The following PCDHA5 variants were observed in gnomAD, a reference collection of about 807,000 sequenced individuals.
The protein encoded by PCDHA5 is protocadherin alpha 5, also known as protocadherin alpha-5.
In PCDHA5, 43 loss-of-function variants were observed where a neutral mutation model predicts 61.6. The ratio of observed to expected loss-of-function variants is 0.70; its 90% confidence interval spans 0.55 to 0.90. The LOEUF (loss-of-function observed/expected upper bound fraction) is 0.90, where lower values mean the gene tolerates loss of function less well. Ranked by LOEUF, PCDHA5 falls within the 40% of genes least tolerant of loss-of-function variation. The pLI is 0.00. For synonymous variants in PCDHA5, 627 were observed against 543.9 expected (o/e 1.15, Z -2.13); for missense variants, 1,298 against 1,222.7 (o/e 1.06, Z -0.92).
intron 1 of PCDHA5, among the ~76,000 whole-genome samples, chr5:140,894,254 A>G (rs566555133): frequency 6.6e-6 from 1 of 152,128 alleles, no homozygotes; most frequent in Admixed American, 6.5e-5. Flanking sequence ...TCTTTTCTTT[A>G]CAAGTGGTAG....
At chr5:140,986,458 A>G (rs1199378141) in intron 3 of PCDHA5, among the ~76,000 whole-genome samples, 1 of 152,166 alleles carries the variant, frequency 6.6e-6, no homozygotes, top group Admixed American at 6.5e-5. Flanking sequence ...GTTTTAATGA[A>G]TGCCCTCTTG....
At chr5:140,962,854 G>A (rs1396651838) in intron 1 of PCDHA5, among the ~76,000 whole-genome samples, 7 of 152,054 alleles carry the variant, frequency 4.6e-5, no homozygotes, top group African/African-American at 9.7e-5. Flanking sequence ...ACTTGTGCTC[G>A]GTTTGTAGAG....
At chr5:140,842,510 C>T in intron 1 of PCDHA5, 1 of 1,613,738 alleles carries the variant, frequency 6.2e-7, no homozygotes. Flanking sequence ...CCCCTTCAAG[C>T]TGGTGTCCAC....
chr5:140,852,335 T>C (rs2042302607), intron 1 of PCDHA5: 1 of 256,936 alleles, frequency 3.9e-6, no homozygotes. Context: ...TGGAGTACAG[T>C]GGCATGATCT....
chr5:140,958,454 T>G (rs2095424871), intron 1 of PCDHA5, among the ~76,000 whole-genome samples: 1 of 152,168 alleles, frequency 6.6e-6, no homozygotes, highest in African/African-American at 2.4e-5. Flanking sequence ...CCTTTTATTC[T>G]TCAACTTCTG....
At chr5:140,857,327 C>G (rs1554149849) in intron 1 of PCDHA5, 1 of 1,598,614 alleles carries the variant, frequency 6.3e-7, no homozygotes, top group Non-Finnish European at 8.6e-7. Flanking sequence ...GGTGACCGCG[C>G]GGGACGGGGG....
chr5:140,883,481 T>C (rs1401240290), intron 1 of PCDHA5: 1 of 1,614,166 alleles, frequency 6.2e-7, no homozygotes, highest in East Asian at 2.2e-5. Flanking sequence ...CAAGAACTAC[T>C]ACTCATTAGT....
chr5:140,853,419 G>A lies in PCDHA5; in HGVS notation c.2352+29292G>A, dbSNP rs2150531537. The A allele has an allele frequency of 1.0e-5, 10 of 986,026 alleles. No individual in the cohort carries two copies. The East Asian group carries it at 1.1e-3, about 112-fold the overall frequency. 61.1% of individuals were successfully genotyped at this position (986,026 alleles called of 1,614,324 possible). On this transcript the variant is annotated intron_variant, in intron 1 of 3. Coordinates refer to ENST00000529859, the MANE Select transcript of PCDHA5 (RefSeq NM_018908.3). ...AGTTCAAAACAGAGAGGTGAAAGCA[G>A]AAGAGACACTTTCCTATTTTGCCTA... is the stretch of plus-strand genomic sequence containing the variant.
At chr5:140,921,165 A>T (rs959305878) in intron 1 of PCDHA5, among the ~76,000 whole-genome samples, 1 of 151,798 alleles carries the variant, frequency 6.6e-6, no homozygotes, top group Non-Finnish European at 1.5e-5. Flanking sequence ...TTTTTTTAAC[A>T]CACATAAAGC....
chr5:140,904,613 T>C (rs1554191625), intron 1 of PCDHA5, among the ~76,000 whole-genome samples: 2 of 152,112 alleles, frequency 1.3e-5, no homozygotes, highest in African/African-American at 2.4e-5. Context: ...ATAGTAGTTT[T>C]ACTTTTAGTT....
At chr5:140,878,516 G>A (rs2057626740) in intron 1 of PCDHA5, among the ~76,000 whole-genome samples, 1 of 152,122 alleles carries the variant, frequency 6.6e-6, no homozygotes. Context: ...CAGTACAGTT[G>A]GTAACCAACT....
At chr5:140,871,940 T>C (rs1554165964) in intron 1 of PCDHA5, among the ~76,000 whole-genome samples, 1 of 152,226 alleles carries the variant, frequency 6.6e-6, no homozygotes, top group Non-Finnish European at 1.5e-5. Flanking sequence ...TCAACTGGCT[T>C]TGTTTTTCTA....
intron 1 of PCDHA5, chr5:140,881,303 C>G (rs2058657354): frequency 2.1e-6 from 2 of 962,486 alleles, no homozygotes; most frequent in African/African-American, 1.8e-5. Flanking sequence ...GAAACTTTAA[C>G]CTCCTGGTTA....
intron 1 of PCDHA5, chr5:140,926,324 G>A (rs574950381): frequency 6.6e-6 from 1 of 152,268 alleles, no homozygotes; most frequent in Non-Finnish European, 1.5e-5. Flanking sequence ...GTGCGCCGGG[G>A]TCAGAGCGCC....
At chr5:140,843,641 C>G (rs2150364392) in intron 1 of PCDHA5, 1 of 1,595,514 alleles carries the variant, frequency 6.3e-7, no homozygotes, top group Admixed American at 1.7e-5. Context: ...GGCCTTCAGC[C>G]CCTGCCTTCC....
chr5:140,870,880 G>C (rs782304708), intron 1 of PCDHA5: 1 of 1,613,948 alleles, frequency 6.2e-7, no homozygotes, highest in South Asian at 1.1e-5. Context: ...GGTGGCGAAG[G>C]TGCGCGCAGT....
At chr5:140,859,564 T>C (rs1485342006) in intron 1 of PCDHA5, 1 of 176,228 alleles carries the variant, frequency 5.7e-6, no homozygotes, top group African/African-American at 2.4e-5. Context: ...ACCAATGCCA[T>C]GAATTTGTCA....
chr5:140,908,329 A>T (rs539575503), intron 1 of PCDHA5, among the ~76,000 whole-genome samples: 140 of 152,214 alleles, frequency 9.2e-4, no homozygotes, highest in African/African-American at 2.7e-3. Flanking sequence ...AGACCATGGG[A>T]ATTTGAGCCA....
chr5:140,897,720 G>A (rs1457512042), intron 1 of PCDHA5, among the ~76,000 whole-genome samples: 1 of 152,086 alleles, frequency 6.6e-6, no homozygotes, highest in Non-Finnish European at 1.5e-5. Context: ...GGGATGGCTG[G>A]GTCAAATAGT....
Sources: allele counts gnomAD v4.1 joint callset (sites outside exome capture counted in the v4.1 genomes callset), GRCh38; gene constraint gnomAD v4.1.1; transcripts MANE v1.5; gene names NCBI Gene and HGNC (gene_info 2026-07-23, HGNC 2026-07-21).